HECTD2: variants seen among roughly 807,000 people sequenced by gnomAD.
The protein encoded by HECTD2 is HECT domain E3 ubiquitin protein ligase 2, also known as probable E3 ubiquitin-protein ligase HECTD2.
HECTD2 carries 35 observed loss-of-function variants against 103.2 expected under a neutral mutation model. The observed-to-expected ratio is 0.34, with a 90% CI of 0.26 to 0.45. The LOEUF (loss-of-function observed/expected upper bound fraction) is 0.45. Among genes scored for constraint, HECTD2 ranks in the 20% least tolerant of loss-of-function variants. HECTD2 has a pLI of 1.00. For synonymous variants in HECTD2, 281 were observed against 329.9 expected (o/e 0.85, Z 1.61); for missense variants, 596 against 937.4 (o/e 0.64, Z 4.76).
At chr10:91,411,777 C>G (rs1249191002) in intron 1 of HECTD2, among the ~76,000 whole-genome samples, 6 of 152,140 alleles carry the variant, frequency 3.9e-5, no homozygotes, top group Non-Finnish European at 8.8e-5. Context: ...TAGGGATTAC[C>G]CTAGAAAATG....
chr10:91,509,526 C>T (rs1475530924), intron 20 of HECTD2, among the ~76,000 whole-genome samples: 1 of 152,006 alleles, frequency 6.6e-6, no homozygotes, highest in Non-Finnish European at 1.5e-5. Flanking sequence ...TTGTTCACTG[C>T]AGCACTATTC....
intron 1 of HECTD2, among the ~76,000 whole-genome samples, chr10:91,423,512 G>A (rs972232453): frequency 6.6e-6 from 1 of 152,026 alleles, no homozygotes; most frequent in East Asian, 1.9e-4. Context: ...AGGCAAAAAT[G>A]TCACACCAAA....
chr10:91,456,959 AAGGT>A (rs1237804670), intron 2 of HECTD2, among the ~76,000 whole-genome samples: 1 of 152,126 alleles, frequency 6.6e-6, no homozygotes, highest in East Asian at 1.9e-4. Context: ...CTGACAGAAA[AAGGT>A]AGATTGTCAG....
At chr10:91,416,982 G>GAT (rs1843153289) in intron 1 of HECTD2, among the ~76,000 whole-genome samples, 1 of 152,184 alleles carries the variant, frequency 6.6e-6, no homozygotes, top group African/African-American at 2.4e-5. Context: ...AAGGTGTACA[G>GAT]ATACTATTGC....
At chr10:91,443,890 T>A (rs1048621800) in intron 2 of HECTD2, among the ~76,000 whole-genome samples, 3 of 152,212 alleles carry the variant, frequency 2.0e-5, no homozygotes, top group African/African-American at 7.2e-5. Flanking sequence ...CAATGTCTAG[T>A]AATTTCTACT....
intron 2 of HECTD2, among the ~76,000 whole-genome samples, chr10:91,449,872 AAGAG>A (rs756743761): frequency 6.6e-6 from 1 of 152,174 alleles, no homozygotes; most frequent in African/African-American, 2.4e-5. Context: ...TCAAGGAAAT[AAGAG>A]AGAACACAAA....
At chr10:91,484,323 A>G (rs1337373467) in intron 8 of HECTD2, 184 bp from the exon 9 acceptor site, 1 of 1,332,896 alleles carries the variant, frequency 7.5e-7, no homozygotes, top group Non-Finnish European at 1.0e-6. Flanking sequence ...TTTATTTCTC[A>G]TTTAACGAAG....
chr10:91,412,641 AC>A (rs1418642420), intron 1 of HECTD2, among the ~76,000 whole-genome samples: 23 of 145,854 alleles, frequency 1.6e-4, no homozygotes, highest in African/African-American at 5.4e-4. Context: ...AAAAAAAAAA[AC>A]AATTTATGAC....
chr10:91,465,129 C>T (rs1236978884), intron 5 of HECTD2, among the ~76,000 whole-genome samples: 1 of 152,018 alleles, frequency 6.6e-6, no homozygotes. Flanking sequence ...ACAAATAATT[C>T]TGAAATTACA....
chr10:91,449,854 A>G (rs1844721319), intron 2 of HECTD2, among the ~76,000 whole-genome samples: 1 of 152,204 alleles, frequency 6.6e-6, no homozygotes, highest in Non-Finnish European at 1.5e-5. Flanking sequence ...AGAACTACAA[A>G]TCACTCCTCA....
intron 20 of HECTD2, among the ~76,000 whole-genome samples, chr10:91,501,559 G>C (rs957042541): frequency 2.0e-5 from 3 of 152,002 alleles, no homozygotes; most frequent in African/African-American, 7.2e-5. Context: ...TTTTTACTTT[G>C]CTAGGTCATA....
intron 2 of HECTD2, 142 bp downstream of exon 2, chr10:91,425,552 A>G: frequency 5.8e-6 from 3 of 514,454 alleles, no homozygotes; most frequent in Middle Eastern, 5.9e-4. Context: ...CAGAAGCAGC[A>G]AAATCTTTAT....
intron 2 of HECTD2, among the ~76,000 whole-genome samples, chr10:91,428,863 C>A (rs1417855026): frequency 6.6e-6 from 1 of 151,998 alleles, no homozygotes; most frequent in Non-Finnish European, 1.5e-5. Flanking sequence ...ATTGAATACC[C>A]TTTATGTCCT....
chr10:91,439,596 T>C lies in HECTD2; in HGVS notation c.268+14186T>C, dbSNP rs1167967014. Among the ~76,000 whole-genome samples the C allele has an allele frequency of 2.0e-5, 3 of 152,162 alleles. No individual in the cohort carries two copies. In the South Asian group the frequency reaches 6.2e-4, roughly 32 times the overall value. On this transcript the variant is annotated intron_variant, in intron 2 of 20. Transcript: ENST00000298068. ...TTTTGGTTCCACATGAAACGTAAAGTAGTTTTTTCTAATTCTGTGAAGAAA... is the reference window on the plus strand; with the variant it reads ...TTTTGGTTCCACATGAAACGTAAAGCAGTTTTTTCTAATTCTGTGAAGAAA...
intron 16 of HECTD2, 78 bp from the exon 17 acceptor site, chr10:91,498,794 T>C: frequency 2.3e-6 from 2 of 866,150 alleles, no homozygotes; most frequent in Non-Finnish European, 1.8e-6. Flanking sequence ...AAACTGTTTT[T>C]TAAATTTTAC....
intron 5 of HECTD2, among the ~76,000 whole-genome samples, chr10:91,468,897 C>CCACACTG (rs1452400758): frequency 6.8e-6 from 1 of 148,022 alleles, no homozygotes; most frequent in Non-Finnish European, 1.5e-5. Flanking sequence ...GATTGCACCA[C>CCACACTG]CACACTGCAG....
At chr10:91,428,853 A>T (rs1269839231) in intron 2 of HECTD2, among the ~76,000 whole-genome samples, 1 of 151,914 alleles carries the variant, frequency 6.6e-6, no homozygotes, top group Non-Finnish European at 1.5e-5. Flanking sequence ...TCTTTTCCTA[A>T]TTGAATACCC....
intron 20 of HECTD2, among the ~76,000 whole-genome samples, chr10:91,505,432 A>G (rs1385625059): frequency 1.3e-5 from 2 of 152,092 alleles, no homozygotes; most frequent in Non-Finnish European, 2.9e-5. Context: ...AGGAAGATCT[A>G]CCAAGCAAAT....
At chr10:91,409,263 A>G (rs1263336242), upstream of HECTD2, 3 of 152,108 alleles carry the variant, frequency 2.0e-5, no homozygotes, top group Non-Finnish European at 1.5e-5. Flanking sequence ...GAAAAAGGAA[A>G]AGGAGGGGGC....
Sources: gnomAD v4.1 joint callset for allele counts (sites outside exome capture counted in the v4.1 genomes callset) on GRCh38, gnomAD v4.1.1 for gene constraint, MANE v1.5 for transcripts, NCBI Gene and HGNC (gene_info 2026-07-23, HGNC 2026-07-21) for gene names.